Variants in KIF24 observed in about 807,000 individuals in gnomAD.
KIF24 encodes kinesin-like protein KIF24.
A neutral mutation model predicts 118.9 loss-of-function variants in KIF24; 81 were observed. The observed-to-expected ratio is 0.68, with a 90% CI of 0.57 to 0.82. The LOEUF (loss-of-function observed/expected upper bound fraction) is 0.82. Among genes scored for constraint, KIF24 ranks in the 40% least tolerant of loss-of-function variants. KIF24 has a pLI of 0.00. For missense variants in KIF24, 1,560 were observed against 1,661.6 expected (o/e 0.94, Z 1.06); for synonymous variants, 599 against 610.0 (o/e 0.98, Z 0.27).
rs777265814 is a variant in KIF24, at chr9:34,256,540, C to T, written c.3067G>A (p.Val1023Met). Reference protein sequence around the residue: ...ADGPIQVTSTVKNGHAVPGED... With the variant: ...ADGPIQVTSTMKNGHAVPGED... The stretch of plus-strand genomic sequence containing the variant: ...CCTGGGACAGCATGACCGTTTTTCA[C>T]AGTGCTGGTCACCTGGATTGGGCCG... Residue 1023 changes from valine to methionine, a missense_variant, in exon 11 of 13, where the codon GTG becomes ATG. By Grantham distance (21) the Val-to-Met change is conservative (BLOSUM62 1). Around this residue, in one of 3 missense-constraint regions of KIF24, gnomAD observed 591 missense variants for 655.6 expected, o/e 0.90. Coordinates refer to ENST00000402558, the MANE Select transcript of KIF24 (RefSeq NM_194313.4). 1 of 1,614,016 alleles carries T rather than the reference C, an allele frequency of 6.2e-7. No homozygotes were observed. Among genetic ancestry groups the T allele is most frequent in the Non-Finnish European group, 8.5e-7 (1 of 1,179,898 alleles).
intron 12 of KIF24, among the ~76,000 whole-genome samples, chr9:34,254,839 A>G (rs951404353): frequency 6.6e-6 from 1 of 152,174 alleles, no homozygotes; most frequent in Non-Finnish European, 1.5e-5. Flanking sequence ...AGCTGAGGAT[A>G]GAGGCTGGAA....
intron 1 of KIF24, among the ~76,000 whole-genome samples, chr9:34,313,746 TTTTTTG>T (rs1327231436): frequency 3.6e-4 from 53 of 146,012 alleles, no homozygotes; most frequent in African/African-American, 1.2e-3. Context: ...CTGTTTTTTT[TTTTTTG>T]TTTTTTTTTT....
At chr9:34,262,022 C>G (rs1365572211) in intron 9 of KIF24, among the ~76,000 whole-genome samples, 3 of 152,148 alleles carry the variant, frequency 2.0e-5, no homozygotes, top group Non-Finnish European at 4.4e-5. Context: ...CAGCCTCAAC[C>G]TCCAGGGCTC....
In KIF24 at chr9:34,255,701, G is replaced by A. The variant is rs971189342; in HGVS notation, c.3872+34C>T. Reference sequence around the variant, plus strand: ...GCTGGAGTGGAGGGTGGGTGCCAAAGGGGCTCAAGTCTTAGGGAAAGTGTC... The same window carrying A: ...GCTGGAGTGGAGGGTGGGTGCCAAAAGGGCTCAAGTCTTAGGGAAAGTGTC... On this transcript the variant is annotated intron_variant, in intron 11 of 12. Coordinates refer to ENST00000402558, the MANE Select transcript of KIF24 (RefSeq NM_194313.4). 2.6e-6 allele frequency: 4 copies of A among 1,554,584 alleles called. No homozygotes were observed. In the African/African-American group the frequency reaches 5.4e-5, roughly 21 times the overall value.
chr9:34,268,226 T>C (rs1198000238), intron 8 of KIF24, among the ~76,000 whole-genome samples: 2 of 152,136 alleles, frequency 1.3e-5, no homozygotes, highest in Non-Finnish European at 1.5e-5. Context: ...TGCAGTGGCA[T>C]GATCTCAGCT....
In KIF24 at chr9:34,266,072, T is replaced by C. The variant is rs919554815; in HGVS notation, c.1444-2900A>G. ...CACGCCCAGCTAATTTTTAAGTTTTTTGCAGAGACAGGGTCTCATTATGTT... is the reference window on the plus strand; with the variant it reads ...CACGCCCAGCTAATTTTTAAGTTTTCTGCAGAGACAGGGTCTCATTATGTT... On this transcript the variant is annotated intron_variant, in intron 8 of 12. Transcript: ENST00000402558. Among the ~76,000 whole-genome samples, 5 of 152,096 alleles carry C rather than the reference T, an allele frequency of 3.3e-5. No individual in the cohort carries two copies. In the South Asian group the frequency reaches 6.2e-4, roughly 19 times the overall value.
At chr9:34,294,560 A>C (rs1396656558) in intron 4 of KIF24, among the ~76,000 whole-genome samples, 1 of 152,040 alleles carries the variant, frequency 6.6e-6, no homozygotes, top group African/African-American at 2.4e-5. Flanking sequence ...AAAAAAAAAG[A>C]ATGTTCATAC....
chr9:34,321,968 T>C (rs571587283), intron 1 of KIF24, among the ~76,000 whole-genome samples: 1 of 152,302 alleles, frequency 6.6e-6, no homozygotes, highest in East Asian at 1.9e-4. Flanking sequence ...TCAACAGAGA[T>C]AATCTAATCT....
At chr9:34,320,153 A>G (rs2131830570) in intron 1 of KIF24, among the ~76,000 whole-genome samples, 1 of 152,216 alleles carries the variant, frequency 6.6e-6, no homozygotes, top group South Asian at 2.1e-4. Flanking sequence ...GCAGATCGAG[A>G]AAGAGCTCAC....
At chr9:34,307,412 A>G (rs1256740098) in intron 2 of KIF24, among the ~76,000 whole-genome samples, 1 of 152,106 alleles carries the variant, frequency 6.6e-6, no homozygotes, top group Non-Finnish European at 1.5e-5. Context: ...AAAAAAAAAA[A>G]AACCAGCAAA....
At chr9:34,310,268 T>TA (rs1174103558) in intron 2 of KIF24, among the ~76,000 whole-genome samples, 2 of 152,210 alleles carry the variant, frequency 1.3e-5, no homozygotes, top group Non-Finnish European at 2.9e-5. Context: ...AAGACCTACT[T>TA]AATTAAACTA....
At chr9:34,310,369 A>G (rs181872833) in intron 2 of KIF24, among the ~76,000 whole-genome samples, 1 of 145,012 alleles carries the variant, frequency 6.9e-6, no homozygotes, top group East Asian at 2.0e-4. Context: ...GGATTGTGTA[A>G]TTTTTTTCTC....
chr9:34,285,719 G>A (rs550761019), intron 6 of KIF24, among the ~76,000 whole-genome samples: 4 of 149,358 alleles, frequency 2.7e-5, no homozygotes, highest in Non-Finnish European at 5.9e-5. Flanking sequence ...AGCTTGCAAT[G>A]AGCAGAGATT....
intron 1 of KIF24, among the ~76,000 whole-genome samples, chr9:34,323,019 T>A (rs947805206): frequency 2.0e-5 from 3 of 152,128 alleles, no homozygotes; most frequent in African/African-American, 7.2e-5. Context: ...TAGTATACAC[T>A]TTTCCCCCTA....
intron 3 of KIF24, among the ~76,000 whole-genome samples, chr9:34,302,082 C>A (rs1457575558): frequency 4.7e-5 from 7 of 147,492 alleles, no homozygotes; most frequent in Non-Finnish European, 7.5e-5. Flanking sequence ...GCAAGCTCTG[C>A]CTCCTGGGTT....
rs754818374 is a variant in KIF24 at position 34,255,134 on chromosome 9, G to A, written c.3904C>T (p.Leu1302=). 13 of 1,592,226 alleles carry A rather than the reference G, an allele frequency of 8.2e-6. No individual in the cohort carries two copies. The Admixed American group carries it at 2.3e-4, about 28-fold the overall frequency. The change falls in exon 12 of 13, where the codon CTG becomes TTG. Residue 1302 remains leucine, a synonymous_variant. Transcript: ENST00000402558. ...QVVIRAHQEQ[L]DEMAELGFKE... is the part of the protein sequence containing the mutation. Reference sequence around the variant, plus strand: ...AAGCCGAGCTCAGCCATTTCATCCAGCTGTTCCTGGTGTGCTCGGATGACC... The same window carrying A: ...AAGCCGAGCTCAGCCATTTCATCCAACTGTTCCTGGTGTGCTCGGATGACC...
At chr9:34,261,639 A>G (rs755442910) in intron 9 of KIF24, among the ~76,000 whole-genome samples, 1 of 152,194 alleles carries the variant, frequency 6.6e-6, no homozygotes, top group Non-Finnish European at 1.5e-5. Context: ...AATAGATCCA[A>G]TGCTGTTTCT....
chr9:34,324,601 G>C (rs979139797), intron 1 of KIF24, among the ~76,000 whole-genome samples: 1 of 152,162 alleles, frequency 6.6e-6, no homozygotes, highest in Non-Finnish European at 1.5e-5. Context: ...TGTAGAGCCA[G>C]ATCACTCTTT....
At chr9:34,277,370 A>G (rs1043179646) in intron 6 of KIF24, among the ~76,000 whole-genome samples, 3 of 152,226 alleles carry the variant, frequency 2.0e-5, no homozygotes, top group Non-Finnish European at 4.4e-5. Context: ...CAGGAATAGA[A>G]GCCAGATATC....
Sources: gnomAD v4.1 joint callset for allele counts (sites outside exome capture counted in the v4.1 genomes callset) on GRCh38, gnomAD v4.1.1 for gene constraint, gnomAD v4.1.1 regional missense constraint, MANE v1.5 for transcripts, NCBI Gene and HGNC (gene_info 2026-07-23, HGNC 2026-07-21) for gene names.